The following PFKM variants were observed in gnomAD, a reference collection of about 807,000 sequenced individuals.
PFKM encodes ATP-dependent 6-phosphofructokinase, muscle type.
Under a neutral mutation model 95.5 loss-of-function variants are expected in PFKM, and 58 were observed. The observed-to-expected ratio is 0.61, with a 90% CI of 0.49 to 0.76. The LOEUF (loss-of-function observed/expected upper bound fraction) is 0.76, where lower values mean the gene tolerates loss of function less well. Among genes scored for constraint, PFKM ranks in the 30% least tolerant of loss-of-function variants. The pLI is 0.00. For synonymous variants in PFKM, 336 were observed against 357.2 expected (o/e 0.94, Z 0.67); for missense variants, 678 against 1,005.4 (o/e 0.67, Z 4.40).
At chr12:48,125,828 A>G (rs1201487141) in intron 2 of PFKM, among the ~76,000 whole-genome samples, 1 of 152,158 alleles carries the variant, frequency 6.6e-6, no homozygotes, top group Non-Finnish European at 1.5e-5. Flanking sequence ...TCTAAGGTTT[A>G]TAATTTTTAC....
intron 3 of PFKM, 30 bp downstream of exon 3, chr12:48,130,466 C>T: frequency 1.3e-6 from 2 of 1,494,628 alleles, no homozygotes; most frequent in East Asian, 2.3e-5. Flanking sequence ...CTTCATCATT[C>T]TTTCTCTGTC....
Position 48,145,559 on chromosome 12 carries a change from T to G in PFKM, c.2199-5T>G, listed in dbSNP as rs1950974598. 1 of 1,614,046 alleles carries G rather than the reference T, an allele frequency of 6.2e-7. No individual in the cohort carries two copies. The highest frequency in any genetic ancestry group is 1.7e-5 in the Admixed American group (1 of 60,012). On this transcript the variant is annotated splice_region_variant and splice_polypyrimidine_tract_variant and intron_variant, in intron 22 of 22. Transcript: ENST00000359794. This position sits in a 1 kb window ranked among gnomAD's most constrained non-coding sequence, Gnocchi z 4.3. ...TATATCATCATCTACCTCATTCCTC[T>G]GTAGGCATCGAATCCCCAAGGAACA...
At chr12:48,106,650 C>G (rs1039300706) in intron 1 of PFKM, 1 of 163,142 alleles carries the variant, frequency 6.1e-6, no homozygotes, top group African/African-American at 2.4e-5. Context: ...AAACAAGTTT[C>G]TTAACTTGCA....
Position 48,142,771 on chromosome 12 carries a change from T to G in PFKM, c.1654-11T>G. 1 of 1,613,416 alleles carries G rather than the reference T, an allele frequency of 6.2e-7. No homozygotes were observed. Among genetic ancestry groups the G allele is most frequent in the Non-Finnish European group, 8.5e-7 (1 of 1,179,338 alleles). On this transcript the variant is annotated splice_polypyrimidine_tract_variant and intron_variant, in intron 17 of 22. Transcript: ENST00000359794. ...TCATGTCTTTCTAACTATAACCCAT[T>G]GTCCTTGCAGACCTGTGACCGCATC...
In PFKM at chr12:48,135,393, TG is replaced by T; in HGVS notation, c.936+13del. 6.3e-7 allele frequency: 1 copy of T among 1,594,336 alleles called. No individual in the cohort carries two copies. The highest frequency in any genetic ancestry group is 8.6e-7 in the Non-Finnish European group (1 of 1,161,950). ...CTTTGACAGAATTCTGGTAAGTCAC[TG>T]GGCTGTGTGGCCCTCATGCCTTGAA... On this transcript the variant is annotated intron_variant, in intron 10 of 22. Coordinates refer to ENST00000359794, the MANE Select transcript of PFKM (RefSeq NM_000289.6).
At chr12:48,138,637 G>T (rs1950308429) in intron 11 of PFKM, among the ~76,000 whole-genome samples, 1 of 152,222 alleles carries the variant, frequency 6.6e-6, no homozygotes, top group African/African-American at 2.4e-5. Context: ...TCCTAACTGG[G>T]TTACCTGTAG....
At chr12:48,128,705 G>A (rs545924747) in intron 2 of PFKM, among the ~76,000 whole-genome samples, 11 of 152,242 alleles carry the variant, frequency 7.2e-5, no homozygotes, top group African/African-American at 2.6e-4. Context: ...AAAAGTTTGT[G>A]ATGGTTTTTT....
rs1391568854 is a variant in PFKM at position 48,134,832 on chromosome 12, A to T, written c.747+3A>T. Reference sequence around the variant, plus strand: ...ACCTTTGTCGCCGACTCAGCGAGGTACTTGCACTTTATTTTGCCCTTAAGA... The same window carrying T: ...ACCTTTGTCGCCGACTCAGCGAGGTTCTTGCACTTTATTTTGCCCTTAAGA... On this transcript the variant is annotated splice_donor_region_variant and intron_variant, in intron 8 of 22. Transcript: ENST00000359794. 1 of 1,610,944 alleles carries T rather than the reference A, an allele frequency of 6.2e-7. No homozygotes were observed. Among genetic ancestry groups the T allele is most frequent in the Non-Finnish European group, 8.5e-7 (1 of 1,177,098 alleles).
At chr12:48,135,512 G>A in intron 10 of PFKM, 129 bp downstream of exon 10, 2 of 661,850 alleles carry the variant, frequency 3.0e-6, no homozygotes, top group Non-Finnish European at 5.4e-6. Flanking sequence ...CCAGCCTTTG[G>A]GCTGCAGTGG....
intron 2 of PFKM, among the ~76,000 whole-genome samples, chr12:48,129,725 G>C (rs143781420): frequency 6.6e-6 from 1 of 152,324 alleles, no homozygotes; most frequent in East Asian, 1.9e-4. Flanking sequence ...TGACTTGCCA[G>C]GTTACTGAAC....
chr12:48,125,346 G>T, intron 2 of PFKM: 1 of 449,852 alleles, frequency 2.2e-6, no homozygotes, highest in South Asian at 1.6e-5. Flanking sequence ...GATCGGCCAG[G>T]TGCAGTGGCT....
At position 48,131,056 on chromosome 12, in the gene PFKM, A is replaced by G. The variant is rs76437584; in HGVS notation, c.160-260A>G. On this transcript the variant is annotated intron_variant, in intron 3 of 22. Coordinates refer to ENST00000359794, the MANE Select transcript of PFKM (RefSeq NM_000289.6). The stretch of plus-strand genomic sequence containing the variant: ...TTGGAGGAGATAGGATGAGCCAAAA[A>G]TAAGAATTAAGATTAACTATTAGGA... Among the ~76,000 whole-genome samples the G allele has an allele frequency of 2.9e-3, 437 of 152,334 alleles. 4 individuals are homozygous for G. Among genetic ancestry groups the G allele is most frequent in the African/African-American group, 1.0e-2 (414 of 41,572 alleles).
At chr12:48,142,648 CT>C in intron 17 of PFKM, 133 bp from the exon 18 acceptor site, 1 of 867,142 alleles carries the variant, frequency 1.2e-6, no homozygotes, top group South Asian at 1.4e-5. Context: ...AATGCAAGAA[CT>C]TGATGAGCTC....
chr12:48,119,430 A>G (rs995889468), intron 1 of PFKM, 24 bp downstream of exon 1: 1 of 985,570 alleles, frequency 1.0e-6, no homozygotes, highest in Non-Finnish European at 1.2e-6. Context: ...TTGAGTGAAG[A>G]GCAAGGGGGA....
chr12:48,144,944 A>G, intron 20 of PFKM, 87 bp from the exon 21 acceptor site: 1 of 959,590 alleles, frequency 1.0e-6, no homozygotes, highest in Non-Finnish European at 1.7e-6. Context: ...CCTGGGGCCC[A>G]TCTTTCTTTT....
Position 48,133,442 on chromosome 12 carries a change from C to T in PFKM, c.555C>T (p.Ile185=). The part of the protein sequence containing the change: ...TIGTDSALHR[I]MEIVDAITTT... ...GCACTGACTCTGCCCTGCATCGGAT[C>T]ATGGAAATTGTAGATGCCATCACTA... The change falls in exon 6 of 23, where the codon ATC becomes ATT. Residue 185 remains isoleucine (I), a synonymous_variant. Transcript: ENST00000359794. 6.2e-7 allele frequency: 1 copy of T among 1,614,132 alleles called. No homozygotes were observed. The highest frequency in any genetic ancestry group is 8.5e-7 in the Non-Finnish European group (1 of 1,180,002).
chr12:48,133,527 A>C, intron 6 of PFKM, 47 bp downstream of exon 6: 2 of 1,559,350 alleles, frequency 1.3e-6, no homozygotes, highest in Non-Finnish European at 1.8e-6. Flanking sequence ...GGCAGCTAGG[A>C]CAGGCTAAAG....
chr12:48,145,710 C>G lies in PFKM; in HGVS notation c.*2C>G. ...CGGTCCGGGGAAGCTGCCGTCTAAACCTCTCTGGAGTGAGGGGAATAGATT... is the reference window on the plus strand; with the variant it reads ...CGGTCCGGGGAAGCTGCCGTCTAAAGCTCTCTGGAGTGAGGGGAATAGATT... On this transcript the variant is annotated 3_prime_UTR_variant, in exon 23 of 23. Coordinates refer to ENST00000359794, the MANE Select transcript of PFKM (RefSeq NM_000289.6). The surrounding 1 kb of genome is among the most constrained non-coding windows in gnomAD (Gnocchi z 4.3). The G allele has an allele frequency of 6.2e-7, 1 of 1,614,142 alleles. No homozygotes were observed. Among genetic ancestry groups the G allele is most frequent in the Non-Finnish European group, 8.5e-7 (1 of 1,179,984 alleles).
chr12:48,130,433 T>C lies in PFKM; in HGVS notation c.156T>C (p.His52=), dbSNP rs145185640. The C allele has an allele frequency of 2.5e-6, 4 of 1,607,990 alleles. No individual in the cohort carries two copies. Among genetic ancestry groups the C allele is most frequent in the African/African-American group, 2.7e-5 (2 of 74,820 alleles). The change falls in exon 3 of 23, where the codon CAT becomes CAC. Residue 52 remains histidine (H), a synonymous_variant. Transcript: ENST00000359794. ...IFTGARVFFV[H]EGYQGLVDGG... ...CCGGTGCCCGTGTCTTCTTTGTCCA[T>C]GAGGTTGGTTCTGTACTTTGTTCTT...
Sources: allele counts gnomAD v4.1 joint callset (sites outside exome capture counted in the v4.1 genomes callset), GRCh38; gene constraint gnomAD v4.1.1; non-coding constraint Gnocchi (gnomAD v3.1); transcripts MANE v1.5; gene names NCBI Gene and HGNC (gene_info 2026-07-23, HGNC 2026-07-21).